LINGO1: variants seen among roughly 807,000 people sequenced by gnomAD.
LINGO1 encodes leucine rich repeat and Ig domain containing 1, also known as leucine-rich repeat and immunoglobulin-like domain-containing nogo receptor-interacting protein 1.
A neutral mutation model predicts 37.3 loss-of-function variants in LINGO1; 11 were observed. That is an observed-to-expected ratio of 0.29 (90% confidence interval 0.19 to 0.49). The LOEUF is 0.49. Ranked by LOEUF, LINGO1 falls within the 20% of genes least tolerant of loss-of-function variation. LINGO1 has a pLI of 0.99. For synonymous variants in LINGO1, 387 were observed against 403.0 expected, an observed-to-expected ratio of 0.96 and a Z score of 0.48; for missense variants, 585 against 878.2, an observed-to-expected ratio of 0.67 and a Z score of 4.22.
intron 2 of LINGO1, among the ~76,000 whole-genome samples, chr15:77,714,748 G>T (rs775756665): frequency 6.6e-6 from 1 of 152,168 alleles, no homozygotes; most frequent in South Asian, 2.1e-4. Flanking sequence ...TCTTCCTCCC[G>T]CGATAAGCCT....
At chr15:77,697,746 G>A (rs2075715227), upstream of LINGO1, among the ~76,000 whole-genome samples, 1 of 152,196 alleles carries the variant, frequency 6.6e-6, no homozygotes, top group Non-Finnish European at 1.5e-5. Flanking sequence ...AGGGTAGTGG[G>A]CATCTGATCC....
At chr15:77,662,100 T>TA (rs1363446235) in intron 3 of LINGO1, among the ~76,000 whole-genome samples, 2 of 152,210 alleles carry the variant, frequency 1.3e-5, no homozygotes, top group African/African-American at 4.8e-5. Context: ...CAGATTGAAT[T>TA]AGACCTTTTC....
intron 1 of LINGO1, among the ~76,000 whole-genome samples, chr15:77,782,621 G>T (rs1010846529): frequency 6.6e-6 from 1 of 151,976 alleles, no homozygotes; most frequent in South Asian, 2.1e-4. Context: ...CTCAGAAAAC[G>T]GTGCCACTTG....
intron 3 of LINGO1, among the ~76,000 whole-genome samples, chr15:77,662,471 C>T (rs1210402919): frequency 6.6e-6 from 1 of 152,076 alleles, no homozygotes; most frequent in African/African-American, 2.4e-5. Flanking sequence ...CATGACCCCA[C>T]CCTCACCTTC....
intron 1 of LINGO1, among the ~76,000 whole-genome samples, chr15:77,785,546 G>A (rs542181238): frequency 1.4e-3 from 211 of 152,142 alleles, no homozygotes; most frequent in African/African-American, 4.9e-3. Flanking sequence ...GGAGACAGTG[G>A]TCCCACCCCC....
At chr15:77,795,330 G>A (rs929620824) in intron 2 of LINGO1, among the ~76,000 whole-genome samples, 9 of 152,082 alleles carry the variant, frequency 5.9e-5, no homozygotes, top group Admixed American at 2.0e-4. Context: ...AGGACCTGTC[G>A]CCTCCCACAT....
At chr15:77,792,349 GCC>G (rs1331484289) in intron 2 of LINGO1, among the ~76,000 whole-genome samples, 1 of 152,162 alleles carries the variant, frequency 6.6e-6, no homozygotes, top group East Asian at 1.9e-4. Flanking sequence ...TCTCCCACTG[GCC>G]TGCCAGCTTC....
Position 77,615,899 on chromosome 15 carries a change from A to C in LINGO1, c.8T>G (p.Val3Gly), listed in dbSNP as rs1267658598. The change falls in exon 2 of 2, where the codon GTG becomes GGG. Residue 3 changes from valine to glycine, a missense_variant and splice_region_variant. By Grantham distance (109) the Val-to-Gly change is moderately radical. Coordinates refer to ENST00000355300, the MANE Select transcript of LINGO1 (RefSeq NM_032808.7). MQ[V>G]SKRMLAGGVR... ...GCCCCCCGCCAGCATCCTCTTGCTC[A>C]CCTGCAGCCGGGAGCAAGCACAGGA... 6.8e-7 allele frequency: 1 copy of C among 1,464,370 alleles called. No homozygotes were observed. Among genetic ancestry groups the C allele is most frequent in the African/African-American group, 1.4e-5 (1 of 70,752 alleles). The allele number at this position is 1,464,370 out of a possible 1,614,324, so 90.7% of individuals were successfully genotyped here.
chr15:77,805,379 G>T (rs1275907920), intron 1 of LINGO1, among the ~76,000 whole-genome samples: 1 of 152,064 alleles, frequency 6.6e-6, no homozygotes, highest in Non-Finnish European at 1.5e-5. Flanking sequence ...TCCATCTCTG[G>T]GCCTCAATTT....
chr15:77,792,209 C>T (rs1323969501), intron 2 of LINGO1, among the ~76,000 whole-genome samples: 1 of 152,220 alleles, frequency 6.6e-6, no homozygotes, highest in Non-Finnish European at 1.5e-5. Flanking sequence ...CCAGTGCCCG[C>T]CCCATTCCCA....
chr15:77,774,557 C>G (rs530955195), intron 1 of LINGO1, among the ~76,000 whole-genome samples: 12 of 152,142 alleles, frequency 7.9e-5, no homozygotes, highest in Non-Finnish European at 1.8e-4. Context: ...TGCACACACA[C>G]AATCCCGGGT....
At chr15:77,744,554 A>G (rs1313394238) in intron 1 of LINGO1, among the ~76,000 whole-genome samples, 2 of 152,234 alleles carry the variant, frequency 1.3e-5, no homozygotes, top group African/African-American at 2.4e-5. Flanking sequence ...ATAAAATAAA[A>G]TAACAAAAGC....
At chr15:77,755,642 G>GTT (rs911440910) in intron 1 of LINGO1, among the ~76,000 whole-genome samples, 5 of 152,102 alleles carry the variant, frequency 3.3e-5, no homozygotes, top group Non-Finnish European at 7.4e-5. Context: ...ATACCTTCTG[G>GTT]TTAACACCTT....
chr15:77,726,569 C>G (rs1350729783), intron 2 of LINGO1, among the ~76,000 whole-genome samples: 1 of 152,250 alleles, frequency 6.6e-6, no homozygotes, highest in East Asian at 1.9e-4. Flanking sequence ...TGGACTCTTA[C>G]CTTACACCAT....
At chr15:77,700,954 C>T (rs1210997649), upstream of LINGO1, among the ~76,000 whole-genome samples, 1 of 152,164 alleles carries the variant, frequency 6.6e-6, no homozygotes, top group African/African-American at 2.4e-5. Context: ...GGTGGGAGGC[C>T]AGCATCACCA....
At chr15:77,793,074 AC>A (rs2076830817) in intron 2 of LINGO1, among the ~76,000 whole-genome samples, 1 of 151,832 alleles carries the variant, frequency 6.6e-6, no homozygotes, top group Non-Finnish European at 1.5e-5. Context: ...GTCATAAGCC[AC>A]CCCCCAGTGA....
intron 1 of LINGO1, among the ~76,000 whole-genome samples, chr15:77,775,096 C>G (rs1452358771): frequency 6.6e-6 from 1 of 152,214 alleles, no homozygotes; most frequent in African/African-American, 2.4e-5. Flanking sequence ...CATCCTATTG[C>G]AGGGAACTGG....
chr15:77,789,409 C>A (rs565642875), upstream of LINGO1, among the ~76,000 whole-genome samples: 1 of 152,088 alleles, frequency 6.6e-6, no homozygotes, highest in African/African-American at 2.4e-5. Context: ...GAGTTCAAGA[C>A]CAGCCTGGTC....
rs530362643 is a variant in LINGO1, at chr15:77,630,062, G to A, written c.6+2248C>T. Among the ~76,000 whole-genome samples the A allele has an allele frequency of 2.1e-3, 322 of 152,144 alleles. 1 individual carries two copies. The highest frequency in any genetic ancestry group is 7.3e-3 in the African/African-American group (301 of 41,486). On this transcript the variant is annotated intron_variant, in intron 1 of 1. Coordinates refer to ENST00000355300, the MANE Select transcript of LINGO1 (RefSeq NM_032808.7). ...GCCTCCAGAGACTAACCATGGAGGT[G>A]GGTGGGGCTGGAAGGCCACTTCCAC...
Sources: allele counts gnomAD v4.1 joint callset (sites outside exome capture counted in the v4.1 genomes callset), GRCh38; gene constraint gnomAD v4.1.1; transcripts MANE v1.5; gene names NCBI Gene and HGNC (gene_info 2026-07-23, HGNC 2026-07-21).